EXOC4: variants seen among roughly 807,000 people sequenced by gnomAD.
EXOC4 encodes the protein exocyst complex component 4.
In EXOC4, 71 loss-of-function variants were observed where a neutral mutation model predicts 107.2. The observed-to-expected ratio is 0.66, with a 90% CI of 0.55 to 0.81. The LOEUF (loss-of-function observed/expected upper bound fraction) is 0.81. Among genes scored for constraint, EXOC4 ranks in the 30% least tolerant of loss-of-function variants. The pLI, the probability that EXOC4 is intolerant of heterozygous loss-of-function variation, is 0.00. For synonymous variants in EXOC4, 456 were observed against 441.2 expected (o/e 1.03, Z -0.42); for missense variants, 1,108 against 1,189.6 (o/e 0.93, Z 1.01).
intron 11 of EXOC4, among the ~76,000 whole-genome samples, chr7:133,847,931 T>C (rs1328834695): frequency 7.2e-6 from 1 of 139,338 alleles, no homozygotes; most frequent in Admixed American, 7.9e-5. Context: ...AGTTTCACCA[T>C]GTTGGCCAGG....
chr7:133,270,797 T>A (rs533380483), intron 1 of EXOC4, among the ~76,000 whole-genome samples: 40 of 152,146 alleles, frequency 2.6e-4, no homozygotes, highest in Non-Finnish European at 4.4e-5. Context: ...ACAAGTGTTG[T>A]CTTCTGCACT....
intron 7 of EXOC4, among the ~76,000 whole-genome samples, chr7:133,377,413 A>G (rs1796513759): frequency 1.3e-5 from 2 of 152,188 alleles, no homozygotes; most frequent in African/African-American, 2.4e-5. Flanking sequence ...TTAGCTGCAG[A>G]TAACATACTG....
At chr7:133,676,644 G>C (rs557685478) in intron 10 of EXOC4, among the ~76,000 whole-genome samples, 51 of 152,164 alleles carry the variant, frequency 3.4e-4, no homozygotes, top group Admixed American at 5.2e-4. Flanking sequence ...TTTCCCAAAA[G>C]ATGTTTTATC....
At chr7:134,075,636 C>T in the EXOC4 span, among the ~76,000 whole-genome samples, 6 of 152,154 alleles carry the variant, frequency 3.9e-5, no homozygotes, top group African/African-American at 9.7e-5. Context: ...TCCCACCACA[C>T]GTGGGGATTA....
chr7:133,715,704 G>A (rs1458951688), intron 10 of EXOC4, among the ~76,000 whole-genome samples: 2 of 152,032 alleles, frequency 1.3e-5, no homozygotes, highest in African/African-American at 4.8e-5. Context: ...TGCATTTTGT[G>A]TGTTGTTTCA....
chr7:133,480,546 T>C (rs1799130542), intron 9 of EXOC4: 1 of 685,552 alleles, frequency 1.5e-6, no homozygotes, highest in Admixed American at 4.9e-5. Context: ...ACCACTGTCA[T>C]TATTTAAAGG....
intron 17 of EXOC4, among the ~76,000 whole-genome samples, chr7:134,063,851 C>A (rs1192776489): frequency 6.6e-6 from 1 of 151,956 alleles, no homozygotes; most frequent in Non-Finnish European, 1.5e-5. Context: ...TATTATTAAC[C>A]CACTTTATGG....
intron 9 of EXOC4, among the ~76,000 whole-genome samples, chr7:133,578,147 C>G (rs567598339): frequency 6.6e-6 from 1 of 152,092 alleles, no homozygotes; most frequent in Non-Finnish European, 1.5e-5. Flanking sequence ...GTGATTGCAA[C>G]ATTGCTTTTC....
intron 11 of EXOC4, among the ~76,000 whole-genome samples, chr7:133,840,339 A>G (rs1471391515): frequency 6.6e-6 from 1 of 152,200 alleles, no homozygotes; most frequent in Non-Finnish European, 1.5e-5. Context: ...GCTATATAGT[A>G]TAGGGATGCA....
intron 9 of EXOC4, among the ~76,000 whole-genome samples, chr7:133,511,966 G>A (rs1238223056): frequency 2.6e-5 from 4 of 152,206 alleles, no homozygotes; most frequent in Admixed American, 2.6e-4. Flanking sequence ...CCACAGCGCA[G>A]CATTCTTACT....
At chr7:133,649,461 C>CTTTT (rs34123621) in intron 10 of EXOC4, among the ~76,000 whole-genome samples, 139,497 of 141,844 alleles carry the variant, frequency 0.98, 68,626 homozygotes, top group Middle Eastern at 1. Context: ...AGCATTACTA[C>CTTTT]TTTTTCTTTT....
In EXOC4 at chr7:133,594,779, A is replaced by G. The variant is rs570311437; in HGVS notation, c.1418-35266A>G. Reference sequence around the variant, plus strand: ...AGTGCTGGGATTACAGGCATGTACCAGTGCTCCCGGCCAAGTTTGAGTCTT... The same window carrying G: ...AGTGCTGGGATTACAGGCATGTACCGGTGCTCCCGGCCAAGTTTGAGTCTT... On this transcript the variant is annotated intron_variant, in intron 9 of 17. Transcript: ENST00000253861. Among the ~76,000 whole-genome samples the G allele has an allele frequency of 1.1e-3, 163 of 152,244 alleles. 2 individuals are homozygous for G. Among genetic ancestry groups the G allele is most frequent in the South Asian group, 2.5e-3 (12 of 4,824 alleles).
chr7:133,941,027 T>G (rs1800415020), intron 14 of EXOC4, among the ~76,000 whole-genome samples: 2 of 148,792 alleles, frequency 1.3e-5, no homozygotes, highest in Non-Finnish European at 3.0e-5. Flanking sequence ...CTTTTTTTCT[T>G]TTTTTTTTTT....
chr7:134,098,880 T>G, the EXOC4 span, among the ~76,000 whole-genome samples: 2 of 152,314 alleles, frequency 1.3e-5, no homozygotes, highest in East Asian at 3.9e-4. Flanking sequence ...GCCAGTGTTT[T>G]GTGCCATCAA....
chr7:133,877,269 T>G (rs1055624357), intron 11 of EXOC4, among the ~76,000 whole-genome samples: 3 of 152,228 alleles, frequency 2.0e-5, no homozygotes, highest in Admixed American at 6.5e-5. Flanking sequence ...CTGTTTCTCT[T>G]AACTGATTTT....
intron 14 of EXOC4, among the ~76,000 whole-genome samples, chr7:133,959,803 G>GA (rs200395742): frequency 2.6e-5 from 4 of 151,822 alleles, no homozygotes; most frequent in South Asian, 4.2e-4. Flanking sequence ...GTGACAAAAA[G>GA]AAAAAAAACT....
At chr7:133,638,452 C>T (rs1023050479) in intron 10 of EXOC4, among the ~76,000 whole-genome samples, 1 of 152,104 alleles carries the variant, frequency 6.6e-6, no homozygotes, top group African/African-American at 2.4e-5. Context: ...CTTTTTTATA[C>T]TTCAGCTTAA....
chr7:133,742,860 G>A (rs1795595920), intron 10 of EXOC4, among the ~76,000 whole-genome samples: 2 of 152,054 alleles, frequency 1.3e-5, no homozygotes, highest in African/African-American at 4.8e-5. Context: ...TAAAAATACG[G>A]GAAACATATT....
chr7:133,515,943 A>G (rs180863201), intron 9 of EXOC4, among the ~76,000 whole-genome samples: 26 of 152,316 alleles, frequency 1.7e-4, no homozygotes, highest in African/African-American at 6.3e-4. Context: ...TTGTGGTTTC[A>G]TCAATCTGAA....
Sources: gnomAD v4.1 joint callset for allele counts (sites outside exome capture counted in the v4.1 genomes callset) on GRCh38, gnomAD v4.1.1 for gene constraint, MANE v1.5 for transcripts, NCBI Gene and HGNC (gene_info 2026-07-23, HGNC 2026-07-21) for gene names.